Variants in CDH8 observed in about 807,000 individuals in gnomAD.
CDH8 encodes cadherin 8, also known as cadherin-8.
CDH8 carries 17 observed loss-of-function variants against 68.1 expected under a neutral mutation model. That is an observed-to-expected ratio of 0.25 (90% confidence interval 0.17 to 0.37). CDH8 has a LOEUF of 0.37. Ranked by LOEUF, CDH8 falls within the 10% of genes least tolerant of loss-of-function variation. CDH8 has a pLI of 1.00. For synonymous variants in CDH8, 372 were observed against 365.1 expected, an observed-to-expected ratio of 1.02 and a Z score of -0.21; for missense variants, 763 against 999.3, an observed-to-expected ratio of 0.76 and a Z score of 3.19.
intron 7 of CDH8, among the ~76,000 whole-genome samples, chr16:61,808,796 A>G (rs60000578): frequency 0.031 from 4,742 of 152,218 alleles, 238 homozygotes; most frequent in African/African-American, 0.11. Flanking sequence ...TTTGTAAAGA[A>G]CGTATTTTAG....
At chr16:61,860,186 C>T (rs1417184372) in intron 3 of CDH8, among the ~76,000 whole-genome samples, 3 of 152,102 alleles carry the variant, frequency 2.0e-5, no homozygotes, top group South Asian at 2.1e-4. Flanking sequence ...GAGAGACAAA[C>T]TCCCTTTCAT....
At chr16:61,830,779 A>T (rs1189850241) in intron 4 of CDH8, among the ~76,000 whole-genome samples, 1 of 151,900 alleles carries the variant, frequency 6.6e-6, no homozygotes, top group East Asian at 1.9e-4. Flanking sequence ...AGCAATTAGT[A>T]AAATTCTTGA....
At chr16:61,732,360 G>A (rs1171331909) in intron 8 of CDH8, among the ~76,000 whole-genome samples, 2 of 151,644 alleles carry the variant, frequency 1.3e-5, no homozygotes, top group Non-Finnish European at 3.0e-5. Context: ...AGACCAGCGG[G>A]AGGTGAACAA....
chr16:61,899,931 T>C (rs1273142019), intron 3 of CDH8, among the ~76,000 whole-genome samples: 1 of 151,876 alleles, frequency 6.6e-6, no homozygotes, highest in Non-Finnish European at 1.5e-5. Flanking sequence ...AGGCATTCTG[T>C]ACTATACCTG....
chr16:61,861,862 G>T lies in CDH8; in HGVS notation c.548-4624C>A, dbSNP rs898766256. Reference sequence around the variant, plus strand: ...TACTGTATGCAAAGAGCACAGAAGAGTTATTGACACTACGAGCTTACTGTC... The same window carrying T: ...TACTGTATGCAAAGAGCACAGAAGATTTATTGACACTACGAGCTTACTGTC... On this transcript the variant is annotated intron_variant, in intron 3 of 11. Coordinates refer to ENST00000577390, the MANE Select transcript of CDH8 (RefSeq NM_001796.5). Among the ~76,000 whole-genome samples the T allele has an allele frequency of 2.6e-5, 4 of 152,302 alleles. No homozygotes were observed. The Middle Eastern group carries it at 0.014, about 518-fold the overall frequency.
chr16:61,721,684 C>T (rs1959219270), intron 9 of CDH8, among the ~76,000 whole-genome samples: 1 of 150,738 alleles, frequency 6.6e-6, no homozygotes, highest in African/African-American at 2.4e-5. Context: ...TGATCAGACT[C>T]ATATTCTCAT....
chr16:61,994,309 T>C (rs992146147), intron 2 of CDH8, among the ~76,000 whole-genome samples: 1 of 152,192 alleles, frequency 6.6e-6, no homozygotes, highest in African/African-American at 2.4e-5. Context: ...AGGTTCCAGG[T>C]GTAAATTGAG....
intron 4 of CDH8, among the ~76,000 whole-genome samples, chr16:61,829,933 G>C (rs1962421036): frequency 6.6e-6 from 1 of 151,660 alleles, no homozygotes; most frequent in Non-Finnish European, 1.5e-5. Context: ...CAATTGTCCT[G>C]GATCCTCTTA....
intron 7 of CDH8, among the ~76,000 whole-genome samples, chr16:61,810,664 T>C (rs985640868): frequency 2.6e-5 from 4 of 152,182 alleles, no homozygotes; most frequent in African/African-American, 9.7e-5. Flanking sequence ...AAGGTTTTCC[T>C]CCATGTGACC....
At chr16:61,793,176 C>A (rs972857564) in intron 7 of CDH8, among the ~76,000 whole-genome samples, 38 of 151,996 alleles carry the variant, frequency 2.5e-4, no homozygotes, top group African/African-American at 8.9e-4. Flanking sequence ...AGGGCCCTTA[C>A]CAGAATCCGA....
chr16:61,888,545 C>A (rs1017220595), intron 3 of CDH8, among the ~76,000 whole-genome samples: 52 of 152,232 alleles, frequency 3.4e-4, no homozygotes, highest in African/African-American at 1.3e-3. Flanking sequence ...GTGATAAGAT[C>A]ATGAGTAAAC....
chr16:61,982,327 C>T (rs911099418), intron 2 of CDH8, among the ~76,000 whole-genome samples: 3 of 152,100 alleles, frequency 2.0e-5, no homozygotes, highest in Non-Finnish European at 4.4e-5. Flanking sequence ...TCACGCCATT[C>T]TCCTGCCTCA....
intron 8 of CDH8, among the ~76,000 whole-genome samples, chr16:61,759,452 G>C (rs1460580147): frequency 6.6e-6 from 1 of 152,028 alleles, no homozygotes; most frequent in Non-Finnish European, 1.5e-5. Flanking sequence ...AGGAGGAAGA[G>C]GGGATGGAGA....
chr16:61,981,945 TCTC>T (rs751538496), intron 2 of CDH8, among the ~76,000 whole-genome samples: 2 of 152,156 alleles, frequency 1.3e-5, no homozygotes, highest in Non-Finnish European at 2.9e-5. Context: ...CACTTCATTC[TCTC>T]CTTCCTTTTA....
At chr16:61,952,303 C>G (rs1268455544) in intron 2 of CDH8, among the ~76,000 whole-genome samples, 1 of 152,160 alleles carries the variant, frequency 6.6e-6, no homozygotes, top group Non-Finnish European at 1.5e-5. Flanking sequence ...AGCTCCCTTA[C>G]TGTGCTAGGT....
At position 61,988,231 on chromosome 16, in the gene CDH8, G is replaced by C. The variant is rs937457661; in HGVS notation, c.252+32921C>G. Reference sequence around the variant, plus strand: ...ATTTTAAAAAATAACAAAACACAAAGCCTAATGCAGTGCCCAAGCAACACT... The same window carrying C: ...ATTTTAAAAAATAACAAAACACAAACCCTAATGCAGTGCCCAAGCAACACT... On this transcript the variant is annotated intron_variant, in intron 2 of 11. Coordinates refer to ENST00000577390, the MANE Select transcript of CDH8 (RefSeq NM_001796.5). 2.7e-5 allele frequency among the ~76,000 whole-genome samples: 3 copies of C among 112,656 alleles called. No homozygotes were observed. In the East Asian group the frequency reaches 1.0e-3, roughly 39 times the overall value. 73.9% of individuals were successfully genotyped at this position (112,656 alleles called of 152,430 possible).
chr16:61,957,571 T>G (rs1965007760), intron 2 of CDH8, among the ~76,000 whole-genome samples: 1 of 139,010 alleles, frequency 7.2e-6, no homozygotes, highest in African/African-American at 3.4e-5. Flanking sequence ...CTAAAATATA[T>G]ATAGATATAT....
At chr16:62,018,100 T>G (rs1215384249) in intron 2 of CDH8, among the ~76,000 whole-genome samples, 1 of 152,242 alleles carries the variant, frequency 6.6e-6, no homozygotes, top group African/African-American at 2.4e-5. Flanking sequence ...TTATCTTATT[T>G]GCATAATCCT....
rs1247884622 is a variant in CDH8 at position 62,036,299 on chromosome 16, G to C, written c.-419C>G. 6.5e-6 allele frequency: 1 copy of C among 152,902 alleles called. No individual in the cohort carries two copies. Among genetic ancestry groups the C allele is most frequent in the African/African-American group, 2.4e-5 (1 of 41,482 alleles). 9.5% of individuals were successfully genotyped at this position (152,902 alleles called of 1,614,324 possible). A position where few individuals can be genotyped will look rare whatever the true frequency, so the allele number is the denominator to read the frequency against. ...GGTGTCCGCAACCCAAAGTGCAGCTGGTGTCTTGACGCTACCGTCTATGCA... is the reference window on the plus strand; with the variant it reads ...GGTGTCCGCAACCCAAAGTGCAGCTCGTGTCTTGACGCTACCGTCTATGCA... On this transcript the variant is annotated 5_prime_UTR_variant, in exon 1 of 12. Coordinates refer to ENST00000577390, the MANE Select transcript of CDH8 (RefSeq NM_001796.5).
Sources: gnomAD v4.1 joint callset for allele counts (sites outside exome capture counted in the v4.1 genomes callset) on GRCh38, gnomAD v4.1.1 for gene constraint, MANE v1.5 for transcripts, NCBI Gene and HGNC (gene_info 2026-07-23, HGNC 2026-07-21) for gene names.